CLYBL: variants seen among roughly 807,000 people sequenced by gnomAD.
CLYBL encodes citramalyl-CoA lyase, mitochondrial.
Under a neutral mutation model 38.9 loss-of-function variants are expected in CLYBL, and 31 were observed. That is an observed-to-expected ratio of 0.80 (90% confidence interval 0.60 to 1.08). CLYBL has a LOEUF of 1.08. Among genes scored for constraint, CLYBL ranks in the 50% least tolerant of loss-of-function variants. The pLI, the probability that CLYBL is intolerant of heterozygous loss-of-function variation, is 0.00. For missense variants in CLYBL, 434 were observed against 411.6 expected, an observed-to-expected ratio of 1.05 and a Z score of -0.47; for synonymous variants, 171 against 158.6, an observed-to-expected ratio of 1.08 and a Z score of -0.59.
At chr13:99,806,735 G>A (rs1357626395) in intron 2 of CLYBL, among the ~76,000 whole-genome samples, 2 of 152,334 alleles carry the variant, frequency 1.3e-5, no homozygotes, top group Non-Finnish European at 2.9e-5. Flanking sequence ...CTGTTATTAT[G>A]TAGAGCCATT....
At chr13:99,662,247 C>T (rs1425453098) in intron 1 of CLYBL, among the ~76,000 whole-genome samples, 2 of 152,156 alleles carry the variant, frequency 1.3e-5, no homozygotes, top group Non-Finnish European at 2.9e-5. Flanking sequence ...TTTAATTGTG[C>T]CGTGTGATTT....
chr13:99,697,608 C>T (rs1030224251), intron 1 of CLYBL, among the ~76,000 whole-genome samples: 15 of 149,410 alleles, frequency 1.0e-4, no homozygotes, highest in Non-Finnish European at 2.1e-4. Flanking sequence ...CCTTGGCTTC[C>T]CAAAGTGCTG....
At chr13:99,690,270 C>G (rs923191364) in intron 1 of CLYBL, 1 of 152,168 alleles carries the variant, frequency 6.6e-6, no homozygotes. Context: ...GGGTTCTGGT[C>G]GGCTAAGCAT....
intron 1 of CLYBL, among the ~76,000 whole-genome samples, chr13:99,619,117 G>A (rs1400165157): frequency 1.3e-5 from 2 of 152,188 alleles, no homozygotes; most frequent in Admixed American, 6.5e-5. Context: ...TTTGAATGTG[G>A]TATCCCCTCC....
intron 1 of CLYBL, among the ~76,000 whole-genome samples, chr13:99,610,474 T>C (rs59239183): frequency 0.14 from 21,735 of 152,208 alleles, 1,780 homozygotes; most frequent in African/African-American, 0.23. Context: ...TTAGTGACTT[T>C]AATAAACTAA....
Position 99,794,900 on chromosome 13 carries a change from A to G in CLYBL, c.249+21890A>G, listed in dbSNP as rs1294917147. 5.9e-5 allele frequency among the ~76,000 whole-genome samples: 9 copies of G among 152,272 alleles called. No individual in the cohort carries two copies. The South Asian group carries it at 1.9e-3, about 32-fold the overall frequency. ...AGCCACCACACCCAGGCTAAATACT[A>G]TGTTTTTAATAATAAATCAGTGGGT... is the stretch of plus-strand genomic sequence containing the variant. On this transcript the variant is annotated intron_variant, in intron 2 of 8. Coordinates refer to ENST00000339105, the MANE Select transcript of CLYBL (RefSeq NM_206808.5).
At chr13:99,651,574 A>G (rs1022314392) in intron 1 of CLYBL, among the ~76,000 whole-genome samples, 1 of 150,790 alleles carries the variant, frequency 6.6e-6, no homozygotes, top group Non-Finnish European at 1.5e-5. Flanking sequence ...CGTCTCAAAA[A>G]AGAATTGAAT....
chr13:99,873,213 C>T (rs2051953099), intron 7 of CLYBL, among the ~76,000 whole-genome samples: 3 of 152,190 alleles, frequency 2.0e-5, no homozygotes, highest in Non-Finnish European at 4.4e-5. Flanking sequence ...ATGTTTCTTT[C>T]ACTTTGCCTA....
intron 1 of CLYBL, among the ~76,000 whole-genome samples, chr13:99,628,875 G>C (rs577921384): frequency 9.5e-4 from 144 of 152,344 alleles, no homozygotes; most frequent in Non-Finnish European, 1.5e-3. Context: ...TTGTGGATGG[G>C]AGTGGGGAGA....
chr13:99,830,090 C>T (rs1594208544), intron 2 of CLYBL, among the ~76,000 whole-genome samples: 1 of 152,098 alleles, frequency 6.6e-6, no homozygotes, highest in South Asian at 2.1e-4. Flanking sequence ...ATCAGAGTGA[C>T]CTTCAGTCAT....
chr13:99,749,287 A>C (rs2048912347), intron 1 of CLYBL, among the ~76,000 whole-genome samples: 1 of 152,240 alleles, frequency 6.6e-6, no homozygotes, highest in Non-Finnish European at 1.5e-5. Context: ...AGTACGCTGC[A>C]GTGAGACAGT....
chr13:99,814,130 C>T (rs74115626), intron 2 of CLYBL, among the ~76,000 whole-genome samples: 139 of 152,284 alleles, frequency 9.1e-4, no homozygotes, highest in African/African-American at 3.2e-3. Context: ...TCTTTCCACC[C>T]TAAGTTTTTC....
intron 1 of CLYBL, among the ~76,000 whole-genome samples, chr13:99,654,688 T>C (rs2047303556): frequency 6.6e-6 from 1 of 152,166 alleles, no homozygotes. Flanking sequence ...TCACAGTCTT[T>C]AGATTCAGTA....
At chr13:99,851,149 C>T (rs966644184) in intron 2 of CLYBL, among the ~76,000 whole-genome samples, 1 of 151,888 alleles carries the variant, frequency 6.6e-6, no homozygotes, top group African/African-American at 2.4e-5. Flanking sequence ...GAGTGGGTCA[C>T]CTGAGGTCAG....
chr13:99,644,004 CAAAA>C (rs71118498), intron 1 of CLYBL, among the ~76,000 whole-genome samples: 2 of 89,122 alleles, frequency 2.2e-5, no homozygotes, highest in African/African-American at 4.9e-5. Context: ...GACTCTGTCT[CAAAA>C]AAAAAAAAAA....
chr13:99,690,166 C>T (rs1234877778), intron 1 of CLYBL: 1 of 152,230 alleles, frequency 6.6e-6, no homozygotes, highest in Non-Finnish European at 1.5e-5. Context: ...AAGGGAAAGT[C>T]GCATGTAGTT....
At chr13:99,866,168 G>A in intron 5 of CLYBL, 72 bp from the exon 6 acceptor site, 1 of 1,443,068 alleles carries the variant, frequency 6.9e-7, no homozygotes, top group South Asian at 1.2e-5. Flanking sequence ...ACAAACTGAG[G>A]TTTTATAATA....
chr13:99,624,400 A>G (rs7139645), intron 1 of CLYBL, among the ~76,000 whole-genome samples: 1 of 152,178 alleles, frequency 6.6e-6, no homozygotes, highest in Non-Finnish European at 1.5e-5. Context: ...CAAAGTTTTT[A>G]TGCATGAGTG....
intron 1 of CLYBL, among the ~76,000 whole-genome samples, chr13:99,772,231 G>T (rs372720578): frequency 6.6e-6 from 1 of 152,114 alleles, no homozygotes; most frequent in East Asian, 1.9e-4. Context: ...AACAATACTG[G>T]AAGTGTTTTC....
Sources: allele counts gnomAD v4.1 joint callset (sites outside exome capture counted in the v4.1 genomes callset), GRCh38; gene constraint gnomAD v4.1.1; transcripts MANE v1.5; gene names NCBI Gene and HGNC (gene_info 2026-07-23, HGNC 2026-07-21).